ZNF385D: variants seen among roughly 807,000 people sequenced by gnomAD.
The protein encoded by ZNF385D is zinc finger protein 659.
In ZNF385D, 15 loss-of-function variants were observed where a neutral mutation model predicts 35.8. The observed-to-expected ratio is 0.42, with a 90% CI of 0.28 to 0.64. The LOEUF is 0.64. Ranked by LOEUF, ZNF385D falls within the 30% of genes least tolerant of loss-of-function variation. The probability of loss-of-function intolerance (pLI) is 0.23; values close to 1 mark genes in which losing one functional copy is unlikely to be tolerated. For missense variants in ZNF385D, 474 were observed against 494.6 expected, an observed-to-expected ratio of 0.96 and a Z score of 0.39; for synonymous variants, 212 against 186.8, an observed-to-expected ratio of 1.13 and a Z score of -1.10.
intron 1 of ZNF385D, among the ~76,000 whole-genome samples, chr3:21,717,214 GA>G (rs1192110287): frequency 1.3e-5 from 2 of 152,140 alleles, no homozygotes; most frequent in African/African-American, 4.8e-5. Flanking sequence ...GGCACTGACT[GA>G]AAAAATACAA....
intron 2 of ZNF385D, among the ~76,000 whole-genome samples, chr3:22,194,537 A>T (rs1696276015): frequency 6.6e-6 from 1 of 151,764 alleles, no homozygotes; most frequent in Non-Finnish European, 1.5e-5. Context: ...TTTGCAGTAA[A>T]ATTCACTGTC....
intron 1 of ZNF385D, among the ~76,000 whole-genome samples, chr3:21,741,879 C>T (rs73822038): frequency 0.012 from 1,806 of 152,232 alleles, 37 homozygotes; most frequent in African/African-American, 0.041. Flanking sequence ...AGTCTGAACT[C>T]TCCCATTGGT....
intron 2 of ZNF385D, among the ~76,000 whole-genome samples, chr3:22,352,471 C>G (rs955738427): frequency 6.6e-6 from 1 of 152,176 alleles, no homozygotes; most frequent in Non-Finnish European, 1.5e-5. Context: ...AAATGTGATT[C>G]ACAGCCCAGA....
intron 2 of ZNF385D, among the ~76,000 whole-genome samples, chr3:22,259,591 A>G (rs1477383573): frequency 2.0e-5 from 3 of 152,026 alleles, no homozygotes; most frequent in Admixed American, 1.3e-4. Context: ...TGTCACTAGC[A>G]TATCAAAAAA....
At chr3:21,812,843 T>G (rs1365518172) in intron 3 of ZNF385D, among the ~76,000 whole-genome samples, 1 of 151,920 alleles carries the variant, frequency 6.6e-6, no homozygotes, top group South Asian at 2.1e-4. Flanking sequence ...TTGAAGAGAG[T>G]AGTAGTTCTC....
chr3:21,581,305 C>T (rs1264826698), intron 2 of ZNF385D, among the ~76,000 whole-genome samples: 1 of 152,126 alleles, frequency 6.6e-6, no homozygotes, highest in African/African-American at 2.4e-5. Flanking sequence ...ATTCCTATCT[C>T]TCCCTCCAAA....
At chr3:21,740,245 A>T (rs11718397) in intron 1 of ZNF385D, among the ~76,000 whole-genome samples, 1 of 152,144 alleles carries the variant, frequency 6.6e-6, no homozygotes, top group Admixed American at 6.5e-5. Flanking sequence ...ACATGTGCAT[A>T]AAGTGGTAGC....
intron 3 of ZNF385D, among the ~76,000 whole-genome samples, chr3:21,997,882 T>C (rs1202536162): frequency 2.5e-4 from 38 of 149,278 alleles, no homozygotes; most frequent in African/African-American, 6.4e-4. Flanking sequence ...CGTGTGTGTG[T>C]GTGTGTGTGT....
intron 3 of ZNF385D, among the ~76,000 whole-genome samples, chr3:21,778,669 T>C (rs977927160): frequency 1.3e-5 from 2 of 151,776 alleles, no homozygotes; most frequent in Non-Finnish European, 1.5e-5. Context: ...TTTCTCACAA[T>C]ACAAAAAGAG....
intron 3 of ZNF385D, among the ~76,000 whole-genome samples, chr3:21,897,372 C>T (rs1003420009): frequency 9.9e-5 from 15 of 152,064 alleles, no homozygotes; most frequent in African/African-American, 3.4e-4. Context: ...ACAGGAGATC[C>T]AATGTGCTTC....
chr3:22,191,275 G>A (rs945989058), intron 2 of ZNF385D, among the ~76,000 whole-genome samples: 8 of 152,130 alleles, frequency 5.3e-5, no homozygotes, highest in African/African-American at 1.9e-4. Context: ...CGGATCACCT[G>A]ACGTCAGGGG....
chr3:22,228,306 A>G (rs1049559947), intron 2 of ZNF385D, among the ~76,000 whole-genome samples: 18 of 152,250 alleles, frequency 1.2e-4, no homozygotes, highest in African/African-American at 3.6e-4. Context: ...TGGCCATAGC[A>G]CTGCCACCTT....
At chr3:21,930,917 T>C (rs1037794454) in intron 3 of ZNF385D, among the ~76,000 whole-genome samples, 2 of 152,130 alleles carry the variant, frequency 1.3e-5, no homozygotes, top group East Asian at 3.9e-4. Flanking sequence ...AGATTTCTTA[T>C]ATATAACATT....
chr3:21,767,533 C>T (rs2070883209), intron 3 of ZNF385D, among the ~76,000 whole-genome samples: 1 of 152,028 alleles, frequency 6.6e-6, no homozygotes, highest in African/African-American at 2.4e-5. Flanking sequence ...ACTAAGACTC[C>T]TGAAGACAGA....
intron 1 of ZNF385D, among the ~76,000 whole-genome samples, chr3:21,704,629 C>G (rs2067830105): frequency 6.6e-6 from 1 of 151,898 alleles, no homozygotes; most frequent in Non-Finnish European, 1.5e-5. Context: ...TTCCCTTAGT[C>G]ACATGAGTAG....
chr3:22,171,517 T>C (rs1055794058), intron 2 of ZNF385D, among the ~76,000 whole-genome samples: 1 of 152,162 alleles, frequency 6.6e-6, no homozygotes, highest in South Asian at 2.1e-4. Flanking sequence ...ATAGAAAATA[T>C]GTGGTATTGA....
At chr3:21,665,885 GTTAA>G (rs2066391313) in intron 1 of ZNF385D, among the ~76,000 whole-genome samples, 1 of 152,152 alleles carries the variant, frequency 6.6e-6, no homozygotes. Flanking sequence ...TCAATTTGCT[GTTAA>G]TTAAAGGCTG....
intron 2 of ZNF385D, among the ~76,000 whole-genome samples, chr3:22,293,326 T>G (rs1702400788): frequency 6.6e-6 from 1 of 152,112 alleles, no homozygotes; most frequent in South Asian, 2.1e-4. Flanking sequence ...TCTCAATTAG[T>G]GATCCCATGA....
At chr3:22,218,731 T>G (rs1000293861) in intron 2 of ZNF385D, among the ~76,000 whole-genome samples, 13 of 152,124 alleles carry the variant, frequency 8.5e-5, no homozygotes, top group Admixed American at 4.6e-4. Context: ...ATTAATTGTC[T>G]TTCTCCTGGC....
Sources: allele counts gnomAD v4.1 joint callset (sites outside exome capture counted in the v4.1 genomes callset), GRCh38; gene constraint gnomAD v4.1.1; transcripts MANE v1.5; gene names NCBI Gene and HGNC (gene_info 2026-07-23, HGNC 2026-07-21).